The following RASSF2 variants were observed in gnomAD, a reference collection of about 807,000 sequenced individuals.
RASSF2 encodes Ras association domain family member 2, also known as ras association domain-containing protein 2.
In RASSF2, 34 loss-of-function variants were observed where a neutral mutation model predicts 46.3. The observed-to-expected ratio is 0.73, with a 90% CI of 0.56 to 0.98. The LOEUF (loss-of-function observed/expected upper bound fraction) is 0.98, where lower values mean the gene tolerates loss of function less well. Ranked by LOEUF, RASSF2 falls within the 50% of genes least tolerant of loss-of-function variation. RASSF2 has a pLI of 0.00. For missense variants in RASSF2, 364 were observed against 431.2 expected, an observed-to-expected ratio of 0.84 and a Z score of 1.38; for synonymous variants, 158 against 162.5, an observed-to-expected ratio of 0.97 and a Z score of 0.21.
chr20:4,821,087 C>T (rs1388442435), intron 2 of RASSF2, among the ~76,000 whole-genome samples: 1 of 152,084 alleles, frequency 6.6e-6, no homozygotes, highest in Non-Finnish European at 1.5e-5. Context: ...ACGTATGGAA[C>T]GCAGACACGA....
At position 4,795,969 on chromosome 20, in the gene RASSF2, G is replaced by A. The variant is rs756932988; in HGVS notation, c.136-3C>T. 16 of 1,508,390 alleles carry A rather than the reference G, an allele frequency of 1.1e-5. No homozygotes were observed. The East Asian group carries it at 4.0e-4, about 38-fold the overall frequency. The allele number at this position is 1,508,390 out of a possible 1,614,324, so 93.4% of individuals were successfully genotyped here. A position where few individuals can be genotyped will look rare whatever the true frequency, so the allele number is the denominator to read the frequency against. ...TCCACAATGAACTCGTCTTCTTCCT[G>A]CCCACAAAGCAATCAGAGTAGTGAG... On this transcript the variant is annotated splice_region_variant and splice_polypyrimidine_tract_variant and intron_variant, in intron 4 of 11. Coordinates refer to ENST00000379400, the MANE Select transcript of RASSF2 (RefSeq NM_014737.3). This position sits in a 1 kb window ranked among gnomAD's most constrained non-coding sequence, Gnocchi z 4.0.
chr20:4,798,020 C>T lies in RASSF2; in HGVS notation c.125G>A (p.Arg42Gln), dbSNP rs377222352. ...LYYEGQNLQL[R>Q]HREEEDEFIV... is the part of the protein sequence containing the mutation. The stretch of plus-strand genomic sequence containing the variant: ...CTGGGGACTCCTTACCTCCCGGTGC[C>T]GGAGCTGTAAATTCTGGCCTTCATA... Residue 42 changes from arginine to glutamine, a missense_variant, in exon 4 of 12, where the codon CGG becomes CAG. Transcript: ENST00000379400. 13 of 1,613,846 alleles carry T rather than the reference C, an allele frequency of 8.1e-6. No individual in the cohort carries two copies. Among genetic ancestry groups the T allele is most frequent in the Middle Eastern group, 3.3e-4 (2 of 6,004 alleles).
At chr20:4,797,160 G>A (rs550766129) in intron 4 of RASSF2, among the ~76,000 whole-genome samples, 5 of 152,276 alleles carry the variant, frequency 3.3e-5, no homozygotes, top group Non-Finnish European at 7.4e-5. Flanking sequence ...GTCAAGGTGG[G>A]CATCATTCCT....
chr20:4,803,136 C>A (rs1222365845), intron 2 of RASSF2, among the ~76,000 whole-genome samples: 3 of 151,988 alleles, frequency 2.0e-5, no homozygotes, highest in Non-Finnish European at 4.4e-5. Context: ...GTCTTGAACT[C>A]CTGGACTCAA....
chr20:4,814,621 T>G (rs778269432), intron 2 of RASSF2, among the ~76,000 whole-genome samples: 1 of 152,100 alleles, frequency 6.6e-6, no homozygotes, highest in African/African-American at 2.4e-5. Context: ...GCAAAGGAAG[T>G]GCCGGGTGTG....
intron 3 of RASSF2, among the ~76,000 whole-genome samples, chr20:4,800,123 A>AG (rs548473346): frequency 1.0e-3 from 152 of 152,248 alleles, no homozygotes; most frequent in African/African-American, 3.5e-3. Context: ...AAAAAAAAAA[A>AG]AGAGATAGAG....
At chr20:4,819,261 C>G (rs965803816) in intron 2 of RASSF2, among the ~76,000 whole-genome samples, 2 of 152,176 alleles carry the variant, frequency 1.3e-5, no homozygotes, top group African/African-American at 4.8e-5. Flanking sequence ...CTGCGCCCAG[C>G]CTGAAACTGA....
At position 4,784,236 on chromosome 20, in the gene RASSF2, G is replaced by A. The variant is rs748283406; in HGVS notation, c.*37C>T. The A allele has an allele frequency of 4.4e-5, 70 of 1,580,974 alleles. No homozygotes were observed. Among genetic ancestry groups the A allele is most frequent in the Non-Finnish European group, 5.2e-5 (60 of 1,150,060 alleles). On this transcript the variant is annotated 3_prime_UTR_variant, in exon 12 of 12. Transcript: ENST00000379400. ...TCCTGGGGGTCTTATGGGCAATGGCGGTTCCTGGGGTGCCCAGATCCCCTC... is the reference window on the plus strand; with the variant it reads ...TCCTGGGGGTCTTATGGGCAATGGCAGTTCCTGGGGTGCCCAGATCCCCTC...
chr20:4,792,944 C>A, intron 5 of RASSF2: 1 of 371,426 alleles, frequency 2.7e-6, no homozygotes, highest in Non-Finnish European at 4.9e-6. Context: ...GGAACAAAAC[C>A]CACGTGTTGC....
chr20:4,795,916 C>T lies in RASSF2; in HGVS notation c.186G>A (p.Leu62=). The change falls in exon 5 of 12, where the codon CTG becomes CTA. Residue 62 remains leucine, a synonymous_variant. Coordinates refer to ENST00000379400, the MANE Select transcript of RASSF2 (RefSeq NM_014737.3). This position sits in a 1 kb window ranked among gnomAD's most constrained non-coding sequence, Gnocchi z 4.0. ...GCATCTGCAGGCGAATGGGCCGGCGCAGGCCCCAGGAGATGTTCAGGAGCC... is the reference window on the plus strand; with the variant it reads ...GCATCTGCAGGCGAATGGGCCGGCGTAGGCCCCAGGAGATGTTCAGGAGCC... ...VEGLLNISWG[L]RRPIRLQMQD... 1 of 1,594,674 alleles carries T rather than the reference C, an allele frequency of 6.3e-7. No homozygotes were observed. The highest frequency in any genetic ancestry group is 1.1e-5 in the South Asian group (1 of 89,622).
Position 4,820,769 on chromosome 20 carries a change from C to T in RASSF2, c.-33+1560G>A, listed in dbSNP as rs148807089. Among the ~76,000 whole-genome samples the T allele has an allele frequency of 1.9e-3, 293 of 152,192 alleles. 1 individual carries two copies. The highest frequency in any genetic ancestry group is 6.7e-3 in the African/African-American group (277 of 41,540). On this transcript the variant is annotated intron_variant, in intron 2 of 11. Coordinates refer to ENST00000379400, the MANE Select transcript of RASSF2 (RefSeq NM_014737.3). Reference sequence around the variant, plus strand: ...CACTGCTGAGACCTGCCCTGTTTCTCGCTCTGGAAGAGAGGAGGAGATGAG... The same window carrying T: ...CACTGCTGAGACCTGCCCTGTTTCTTGCTCTGGAAGAGAGGAGGAGATGAG...
At chr20:4,804,334 G>A (rs1236474920) in intron 2 of RASSF2, among the ~76,000 whole-genome samples, 1 of 148,004 alleles carries the variant, frequency 6.8e-6, no homozygotes, top group Non-Finnish European at 1.5e-5. Flanking sequence ...AAGGAAAGTC[G>A]AGCTAGTGAG....
intron 2 of RASSF2, among the ~76,000 whole-genome samples, chr20:4,818,809 C>T (rs760391891): frequency 6.6e-6 from 1 of 152,222 alleles, no homozygotes; most frequent in Non-Finnish European, 1.5e-5. Context: ...TGAAATCCAT[C>T]ATAGCCTGCT....
chr20:4,788,762 A>T (rs1420538969), intron 8 of RASSF2, among the ~76,000 whole-genome samples: 3 of 152,280 alleles, frequency 2.0e-5, no homozygotes, highest in African/African-American at 7.2e-5. Flanking sequence ...TATGTGGTGC[A>T]TCATTGACCA....
intron 2 of RASSF2, among the ~76,000 whole-genome samples, chr20:4,804,484 T>C (rs888716609): frequency 6.6e-6 from 1 of 151,320 alleles, no homozygotes; most frequent in Non-Finnish European, 1.5e-5. Context: ...ATTACAGGTA[T>C]GTGCCACCAC....
intron 1 of RASSF2, among the ~76,000 whole-genome samples, 193 bp downstream of exon 1, chr20:4,823,364 T>C (rs1928852057): frequency 6.6e-6 from 1 of 151,668 alleles, no homozygotes; most frequent in African/African-American, 2.4e-5. Flanking sequence ...AACCGTGGAG[T>C]TGGAAAGTGG....
At position 4,784,235 on chromosome 20, in the gene RASSF2, C is replaced by T. The variant is rs779239522; in HGVS notation, c.*38G>A. ...TTCCTGGGGGTCTTATGGGCAATGG[C>T]GGTTCCTGGGGTGCCCAGATCCCCT... is the stretch of plus-strand genomic sequence containing the variant. On this transcript the variant is annotated 3_prime_UTR_variant, in exon 12 of 12. Coordinates refer to ENST00000379400, the MANE Select transcript of RASSF2 (RefSeq NM_014737.3). 18 of 1,578,776 alleles carry T rather than the reference C, an allele frequency of 1.1e-5. No homozygotes were observed. The highest frequency in any genetic ancestry group is 5.5e-5 in the South Asian group (5 of 90,328).
At chr20:4,804,669 G>A (rs2423011) in intron 2 of RASSF2, among the ~76,000 whole-genome samples, 54,996 of 151,992 alleles carry the variant, frequency 0.36, 10,073 homozygotes, top group East Asian at 0.52. Context: ...ACAATTACCC[G>A]TAACTAGTCA....
At chr20:4,797,816 GA>G (rs1241424350) in intron 4 of RASSF2, among the ~76,000 whole-genome samples, 193 bp downstream of exon 4, 1 of 152,188 alleles carries the variant, frequency 6.6e-6, no homozygotes, top group Non-Finnish European at 1.5e-5. Flanking sequence ...ACACATCTCT[GA>G]AACATTCATC....
Sources: allele counts gnomAD v4.1 joint callset (sites outside exome capture counted in the v4.1 genomes callset), GRCh38; gene constraint gnomAD v4.1.1; non-coding constraint Gnocchi (gnomAD v3.1); transcripts MANE v1.5; gene names NCBI Gene and HGNC (gene_info 2026-07-23, HGNC 2026-07-21).